The following GPC6 variants were observed in gnomAD, a reference collection of about 807,000 sequenced individuals.
GPC6 encodes glypican-6.
A neutral mutation model predicts 55.2 loss-of-function variants in GPC6; 14 were observed. That is an observed-to-expected ratio of 0.25 (90% CI 0.17 to 0.40). The LOEUF (loss-of-function observed/expected upper bound fraction) is 0.40. Ranked by LOEUF, GPC6 falls within the 10% of genes least tolerant of loss-of-function variation. GPC6 has a pLI of 1.00. For synonymous variants in GPC6, 278 were observed against 259.6 expected, an observed-to-expected ratio of 1.07 and a Z score of -0.68; for missense variants, 641 against 708.5, an observed-to-expected ratio of 0.90 and a Z score of 1.08.
At chr13:93,617,077 A>T (rs781204144) in intron 2 of GPC6, among the ~76,000 whole-genome samples, 35 of 152,118 alleles carry the variant, frequency 2.3e-4, no homozygotes, top group Non-Finnish European at 4.9e-4. Context: ...TTAAAGTTAT[A>T]TTTAGGCCAC....
At chr13:93,747,174 T>A (rs988078065) in intron 2 of GPC6, among the ~76,000 whole-genome samples, 2 of 151,816 alleles carry the variant, frequency 1.3e-5, no homozygotes, top group African/African-American at 4.8e-5. Flanking sequence ...CAAAGGGAGG[T>A]AGAAGAAGAT....
chr13:94,100,296 AAATC>A (rs992264543), intron 4 of GPC6, among the ~76,000 whole-genome samples: 61 of 152,288 alleles, frequency 4.0e-4, no homozygotes, highest in African/African-American at 1.4e-3. Context: ...GCAAAGGAAA[AAATC>A]AAAGTAGCTG....
intron 2 of GPC6, among the ~76,000 whole-genome samples, chr13:93,785,786 C>T (rs1332383753): frequency 2.6e-5 from 4 of 151,960 alleles, no homozygotes; most frequent in Admixed American, 2.0e-4. Flanking sequence ...CATAGCAAGA[C>T]CCCATCTCTA....
chr13:93,825,086 A>G (rs1887184727), intron 2 of GPC6, among the ~76,000 whole-genome samples: 1 of 152,140 alleles, frequency 6.6e-6, no homozygotes, highest in African/African-American at 2.4e-5. Context: ...AATATTTTTA[A>G]TGTTCTATTA....
chr13:93,473,654 A>G (rs1879205652), intron 1 of GPC6, among the ~76,000 whole-genome samples: 1 of 152,192 alleles, frequency 6.6e-6, no homozygotes, highest in African/African-American at 2.4e-5. Context: ...TCAGGTCCTC[A>G]CAGGGCCCCT....
At chr13:94,189,313 G>C (rs1207299171) in intron 4 of GPC6, among the ~76,000 whole-genome samples, 2 of 152,134 alleles carry the variant, frequency 1.3e-5, no homozygotes, top group Non-Finnish European at 2.9e-5. Context: ...TTTCACATAA[G>C]AGCAGAGGGA....
At chr13:93,880,296 C>T (rs1469000388) in intron 3 of GPC6, among the ~76,000 whole-genome samples, 1 of 151,910 alleles carries the variant, frequency 6.6e-6, no homozygotes, top group Admixed American at 6.6e-5. Flanking sequence ...TTCACAATAG[C>T]AAAGACTTGG....
intron 3 of GPC6, among the ~76,000 whole-genome samples, chr13:93,966,375 A>T (rs903890947): frequency 1.2e-4 from 19 of 152,196 alleles, no homozygotes; most frequent in African/African-American, 4.6e-4. Context: ...GTGTGAATGT[A>T]TATTTCCTTT....
At chr13:94,300,354 A>T (rs1387787234) in intron 5 of GPC6, among the ~76,000 whole-genome samples, 1 of 152,240 alleles carries the variant, frequency 6.6e-6, no homozygotes, top group Non-Finnish European at 1.5e-5. Context: ...GAAATACGTT[A>T]AGATGCCCTA....
intron 3 of GPC6, among the ~76,000 whole-genome samples, chr13:94,017,958 C>T (rs999032616): frequency 1.3e-5 from 2 of 152,020 alleles, no homozygotes; most frequent in Non-Finnish European, 2.9e-5. Flanking sequence ...ATTTTCAATA[C>T]AGTGTTAAAC....
intron 1 of GPC6, among the ~76,000 whole-genome samples, chr13:93,453,566 T>TTTTTTTTTTGTTTG (rs1555301572): frequency 6.7e-6 from 1 of 148,746 alleles, no homozygotes; most frequent in Non-Finnish European, 1.5e-5. Flanking sequence ...TTACAACTCT[T>TTTTTTTTTTGTTTG]AAGGTGGCAC....
chr13:93,450,050 G>C (rs2139300158), intron 1 of GPC6, among the ~76,000 whole-genome samples: 2 of 152,126 alleles, frequency 1.3e-5, no homozygotes, highest in East Asian at 3.9e-4. Context: ...CCAAAGTGCT[G>C]TGTGCGATTA....
intron 2 of GPC6, among the ~76,000 whole-genome samples, chr13:93,686,139 A>G (rs1240520935): frequency 6.6e-6 from 1 of 152,100 alleles, no homozygotes; most frequent in Non-Finnish European, 1.5e-5. Context: ...TATGAGTACA[A>G]ATCTTTATAT....
At chr13:94,171,254 A>G (rs991766622) in intron 4 of GPC6, among the ~76,000 whole-genome samples, 1 of 152,196 alleles carries the variant, frequency 6.6e-6, no homozygotes, top group Non-Finnish European at 1.5e-5. Context: ...CTCATCCTAT[A>G]GCAAATTTAC....
intron 3 of GPC6, among the ~76,000 whole-genome samples, chr13:93,929,244 A>C (rs1347161311): frequency 1.3e-5 from 2 of 152,192 alleles, no homozygotes; most frequent in Non-Finnish European, 2.9e-5. Flanking sequence ...TTATGGCCAC[A>C]AGGCTTGATT....
At chr13:94,032,258 A>G (rs1206589252) in intron 4 of GPC6, among the ~76,000 whole-genome samples, 1 of 152,228 alleles carries the variant, frequency 6.6e-6, no homozygotes, top group Non-Finnish European at 1.5e-5. Flanking sequence ...GGAATTTAAC[A>G]TAGTTAAAAT....
chr13:94,276,489 T>C (rs1892210502), intron 4 of GPC6, among the ~76,000 whole-genome samples: 1 of 152,116 alleles, frequency 6.6e-6, no homozygotes, highest in Non-Finnish European at 1.5e-5. Context: ...TATTTTATTT[T>C]AAGTTTCGGG....
At chr13:94,022,771 C>A (rs914660806) in intron 3 of GPC6, among the ~76,000 whole-genome samples, 1 of 152,130 alleles carries the variant, frequency 6.6e-6, no homozygotes, top group Non-Finnish European at 1.5e-5. Flanking sequence ...TGCTTTTATC[C>A]TAACAGGTGT....
intron 1 of GPC6, among the ~76,000 whole-genome samples, chr13:93,494,566 A>T (rs2139362406): frequency 6.6e-6 from 1 of 152,272 alleles, no homozygotes; most frequent in South Asian, 2.1e-4. Flanking sequence ...TCCTGTCATT[A>T]TGATGTTAGC....
Sources: gnomAD v4.1 joint callset for allele counts (sites outside exome capture counted in the v4.1 genomes callset) on GRCh38, gnomAD v4.1.1 for gene constraint, MANE v1.5 for transcripts, NCBI Gene and HGNC (gene_info 2026-07-23, HGNC 2026-07-21) for gene names.